Variants in NRXN3 observed in about 807,000 individuals in gnomAD.
NRXN3 encodes the protein neurexin III.
In NRXN3, 32 loss-of-function variants were observed where a neutral mutation model predicts 137.6. That is an observed-to-expected ratio of 0.23 (90% CI 0.18 to 0.31). NRXN3 has a LOEUF of 0.31. NRXN3 is among the 10% of genes least tolerant of loss of function. The pLI, the probability that NRXN3 is intolerant of heterozygous loss-of-function variation, is 1.00. For missense variants in NRXN3, 1,574 were observed against 2,062.5 expected (o/e 0.76, Z 4.59); for synonymous variants, 798 against 784.5 (o/e 1.02, Z -0.29).
intron 3 of NRXN3, among the ~76,000 whole-genome samples, chr14:78,293,652 C>T (rs144797782): frequency 2.1e-4 from 32 of 152,298 alleles, no homozygotes; most frequent in African/African-American, 7.5e-4. Context: ...TGATCCATCT[C>T]GTTCACAGTA....
chr14:78,517,311 G>C (rs2096223217), intron 4 of NRXN3, among the ~76,000 whole-genome samples: 1 of 152,054 alleles, frequency 6.6e-6, no homozygotes, highest in South Asian at 2.1e-4. Flanking sequence ...GTAGTGACAA[G>C]GCTCTTCTCT....
At chr14:78,483,410 C>T (rs547431223) in intron 4 of NRXN3, among the ~76,000 whole-genome samples, 1 of 152,320 alleles carries the variant, frequency 6.6e-6, no homozygotes, top group South Asian at 2.1e-4. Context: ...GGAGACTTAG[C>T]AGTTACGGAA....
At chr14:78,434,501 G>A (rs993019514) in intron 4 of NRXN3, among the ~76,000 whole-genome samples, 1 of 152,048 alleles carries the variant, frequency 6.6e-6, no homozygotes, top group Non-Finnish European at 1.5e-5. Flanking sequence ...GAGATACTGG[G>A]GTTTAGGACT....
At chr14:78,911,536 T>G (rs1405272202) in intron 10 of NRXN3, among the ~76,000 whole-genome samples, 5 of 152,206 alleles carry the variant, frequency 3.3e-5, no homozygotes, top group Non-Finnish European at 7.3e-5. Context: ...GACATAAGGC[T>G]GCTGTGGAAA....
At chr14:78,939,679 C>G in intron 10 of NRXN3, among the ~76,000 whole-genome samples, 1 of 152,276 alleles carries the variant, frequency 6.6e-6, no homozygotes, top group African/African-American at 2.4e-5. Flanking sequence ...AGAATGGGAC[C>G]AAAATGGATG....
intron 16 of NRXN3, among the ~76,000 whole-genome samples, chr14:79,598,471 CAAG>C (rs1301335258): frequency 1.3e-5 from 2 of 152,150 alleles, no homozygotes; most frequent in Non-Finnish European, 2.9e-5. Context: ...GTATTTTATG[CAAG>C]AAGCTGGGAA....
intron 15 of NRXN3, among the ~76,000 whole-genome samples, chr14:79,393,261 A>G (rs574630078): frequency 6.6e-6 from 1 of 152,308 alleles, no homozygotes; most frequent in East Asian, 1.9e-4. Context: ...AGAAAGCAAC[A>G]AACACATTTA....
intron 2 of NRXN3, among the ~76,000 whole-genome samples, chr14:78,267,397 C>CA (rs1283453958): frequency 6.6e-6 from 1 of 152,094 alleles, no homozygotes; most frequent in African/African-American, 2.4e-5. Flanking sequence ...AATGTCTTTA[C>CA]AAAAAATTCC....
At chr14:79,600,376 C>T (rs2097909613) in intron 16 of NRXN3, among the ~76,000 whole-genome samples, 1 of 152,128 alleles carries the variant, frequency 6.6e-6, no homozygotes, top group South Asian at 2.1e-4. Flanking sequence ...TGTTTTTCAT[C>T]CCTAAAGCCC....
At chr14:79,175,864 A>C (rs1052685832) in intron 15 of NRXN3, among the ~76,000 whole-genome samples, 10 of 152,244 alleles carry the variant, frequency 6.6e-5, no homozygotes, top group Non-Finnish European at 1.2e-4. Context: ...CTAAGTTACA[A>C]AACAGTGTTG....
At chr14:78,972,604 C>T (rs952293412) in intron 14 of NRXN3, among the ~76,000 whole-genome samples, 4 of 152,102 alleles carry the variant, frequency 2.6e-5, no homozygotes, top group Non-Finnish European at 4.4e-5. Context: ...CCTTGTTGCC[C>T]GTTGCCTGTG....
chr14:78,829,594 G>T (rs2098976220), intron 10 of NRXN3, among the ~76,000 whole-genome samples: 1 of 151,846 alleles, frequency 6.6e-6, no homozygotes, highest in African/African-American at 2.4e-5. Context: ...GTAGACTGGG[G>T]GAAAAAATTA....
At chr14:79,317,130 G>A (rs1013887348) in intron 15 of NRXN3, among the ~76,000 whole-genome samples, 2 of 152,106 alleles carry the variant, frequency 1.3e-5, no homozygotes, top group Non-Finnish European at 2.9e-5. Context: ...TACTGAGGAG[G>A]CTGAGGCAGG....
chr14:79,694,197 C>T (rs1031584881), intron 18 of NRXN3, among the ~76,000 whole-genome samples: 10 of 151,850 alleles, frequency 6.6e-5, no homozygotes, highest in Admixed American at 3.3e-4. Flanking sequence ...ACTTTCTGAC[C>T]TTAGACAATC....
intron 8 of NRXN3, among the ~76,000 whole-genome samples, chr14:78,794,482 A>G (rs1159198037): frequency 6.6e-6 from 1 of 152,228 alleles, no homozygotes. Flanking sequence ...CTTGGAAGGT[A>G]GTACCTCATA....
chr14:78,409,427 G>T (rs1049059753), intron 4 of NRXN3, among the ~76,000 whole-genome samples: 45 of 152,344 alleles, frequency 3.0e-4, no homozygotes, highest in Admixed American at 2.0e-3. Context: ...CGTGGTCAGG[G>T]AGTAAGGGAG....
In NRXN3 at chr14:79,861,820, C is replaced by T. The variant is rs748824602; in HGVS notation, c.4572C>T (p.Asp1524=). ...CCATGTACAAGTACAGGAACAGGGA[C>T]GAGGGGTCCTATCAAGTGGACGAGA... The part of the protein sequence containing the change: ...LYAMYKYRNR[D]EGSYQVDETR... Residue 1524 remains aspartate (D), a synonymous_variant, in exon 21 of 21, where the codon GAC becomes GAT. Coordinates refer to ENST00000335750, the MANE Select transcript of NRXN3 (RefSeq NM_001330195.2). This position sits in a 1 kb window ranked among gnomAD's most constrained non-coding sequence, Gnocchi z 5.4. 1.2e-6 allele frequency: 2 copies of T among 1,614,044 alleles called. No homozygotes were observed. Among genetic ancestry groups the T allele is most frequent in the Admixed American group, 1.7e-5 (1 of 60,004 alleles).
At chr14:79,072,707 T>G (rs1691585445) in intron 15 of NRXN3, among the ~76,000 whole-genome samples, 4 of 152,112 alleles carry the variant, frequency 2.6e-5, no homozygotes. Flanking sequence ...ATACAAATGA[T>G]TAGTTACTTT....
intron 4 of NRXN3, among the ~76,000 whole-genome samples, chr14:78,332,516 A>G (rs906080609): frequency 6.6e-6 from 1 of 151,950 alleles, no homozygotes; most frequent in African/African-American, 2.4e-5. Context: ...GGGTTTCACC[A>G]TGTTGGCCAG....
Sources: gnomAD v4.1 joint callset for allele counts (sites outside exome capture counted in the v4.1 genomes callset) on GRCh38, gnomAD v4.1.1 for gene constraint, Gnocchi (gnomAD v3.1) non-coding constraint, MANE v1.5 for transcripts, NCBI Gene and HGNC (gene_info 2026-07-23, HGNC 2026-07-21) for gene names.